CDKL4: variants seen among roughly 807,000 people sequenced by gnomAD.
CDKL4 encodes the protein cyclin-dependent kinase-like 4.
In CDKL4, 44 loss-of-function variants were observed where a neutral mutation model predicts 42.0. The observed-to-expected ratio is 1.05, with a 90% CI of 0.82 to 1.35. The LOEUF (loss-of-function observed/expected upper bound fraction) is 1.35. Ranked by LOEUF, CDKL4 falls within the 40% of genes most tolerant of loss-of-function variation. The pLI, the probability that CDKL4 is intolerant of heterozygous loss-of-function variation, is 0.00. For missense variants in CDKL4, 393 were observed against 369.9 expected (o/e 1.06, Z -0.51); for synonymous variants, 120 against 121.6 (o/e 0.99, Z 0.09).
intron 3 of CDKL4, among the ~76,000 whole-genome samples, chr2:39,216,246 T>C (rs1677907886): frequency 6.6e-6 from 1 of 152,114 alleles, no homozygotes; most frequent in Non-Finnish European, 1.5e-5. Flanking sequence ...AGGTCTGAGA[T>C]TAGATAAGGC....
the CDKL4 span, among the ~76,000 whole-genome samples, chr2:39,170,277 CAAAAAAA>C: frequency 2.3e-5 from 1 of 42,922 alleles, no homozygotes; most frequent in Non-Finnish European, 5.3e-5. Flanking sequence ...ACCCTGTCTC[CAAAAAAA>C]AAAAAAAAAA....
intron 9 of CDKL4, 21 bp from the exon 10 acceptor site, chr2:39,176,117 C>T (rs1675154403): frequency 2.2e-6 from 1 of 452,790 alleles, no homozygotes; most frequent in Admixed American, 2.7e-5. Context: ...AACAAGACAA[C>T]AATAAGAAAG....
At chr2:39,224,584 T>A (rs2148380830) in intron 3 of CDKL4, among the ~76,000 whole-genome samples, 1 of 148,822 alleles carries the variant, frequency 6.7e-6, no homozygotes, top group East Asian at 2.0e-4. Flanking sequence ...GCTCACTGCA[T>A]CCTCCGCCTC....
chr2:39,205,678 G>T (rs1486372495), intron 4 of CDKL4, among the ~76,000 whole-genome samples: 1 of 145,566 alleles, frequency 6.9e-6, no homozygotes. Flanking sequence ...GAGAATGGCG[G>T]GAACCCGGGA....
intron 9 of CDKL4, among the ~76,000 whole-genome samples, chr2:39,178,077 GTTA>G (rs1572934588): frequency 6.6e-6 from 1 of 152,116 alleles, no homozygotes; most frequent in East Asian, 1.9e-4. Context: ...TTTTTTTGTT[GTTA>G]TTTAAGTATA....
At chr2:39,169,480 C>T in the CDKL4 span, among the ~76,000 whole-genome samples, 1 of 152,104 alleles carries the variant, frequency 6.6e-6, no homozygotes, top group African/African-American at 2.4e-5. Context: ...ATCATAAACA[C>T]TACAATTTTA....
intron 7 of CDKL4, among the ~76,000 whole-genome samples, chr2:39,186,160 C>T (rs1342421552): frequency 6.6e-6 from 1 of 152,094 alleles, no homozygotes; most frequent in African/African-American, 2.4e-5. Flanking sequence ...CCTTTGTAAC[C>T]TTTAACCTTG....
At chr2:39,221,655 G>A (rs1678379813) in intron 3 of CDKL4, among the ~76,000 whole-genome samples, 1 of 152,234 alleles carries the variant, frequency 6.6e-6, no homozygotes, top group Non-Finnish European at 1.5e-5. Flanking sequence ...CACCAGCAGT[G>A]CTAAGCACAT....
At chr2:39,201,304 T>TAAAAA (rs139925872) in intron 5 of CDKL4, among the ~76,000 whole-genome samples, 2 of 145,342 alleles carry the variant, frequency 1.4e-5, no homozygotes, top group African/African-American at 5.1e-5. Context: ...ACCAAAAAAA[T>TAAAAA]AAAAAAAAAA....
intron 7 of CDKL4, among the ~76,000 whole-genome samples, chr2:39,186,386 C>T (rs1004538298): frequency 6.6e-6 from 1 of 152,212 alleles, no homozygotes; most frequent in Non-Finnish European, 1.5e-5. Context: ...TGCCCCATCC[C>T]TGCGTGGCTC....
chr2:39,181,981 AT>A (rs888125396), intron 8 of CDKL4, among the ~76,000 whole-genome samples: 17 of 151,860 alleles, frequency 1.1e-4, no homozygotes, highest in African/African-American at 4.1e-4. Flanking sequence ...ATTCACGTTG[AT>A]TTTATTTTAT....
intron 1 of CDKL4, among the ~76,000 whole-genome samples, chr2:39,241,244 G>C (rs982704937): frequency 3.3e-5 from 5 of 152,060 alleles, no homozygotes; most frequent in African/African-American, 1.2e-4. Flanking sequence ...AAATGGTACA[G>C]AAAAATTAAT....
intron 1 of CDKL4, among the ~76,000 whole-genome samples, chr2:39,234,385 G>T (rs1264582587): frequency 6.6e-6 from 1 of 151,926 alleles, no homozygotes; most frequent in Non-Finnish European, 1.5e-5. Flanking sequence ...AATTTGATTG[G>T]GGCATTAAAG....
chr2:39,244,831 A>G (rs1247839994), upstream of CDKL4, among the ~76,000 whole-genome samples: 1 of 152,000 alleles, frequency 6.6e-6, no homozygotes, highest in Non-Finnish European at 1.5e-5. Flanking sequence ...AGGTTTGTAA[A>G]CACACCAATC....
At chr2:39,173,852 A>T (rs910576826), downstream of CDKL4, among the ~76,000 whole-genome samples, 16 of 147,564 alleles carry the variant, frequency 1.1e-4, no homozygotes, top group Non-Finnish European at 2.2e-4. Context: ...GCATGGTGGC[A>T]TGTCCCTGTA....
chr2:39,216,242 G>A (rs757051033), intron 3 of CDKL4, among the ~76,000 whole-genome samples: 8 of 152,154 alleles, frequency 5.3e-5, no homozygotes, highest in Non-Finnish European at 1.2e-4. Context: ...ATACAGGTCT[G>A]AGATTAGATA....
intron 1 of CDKL4, among the ~76,000 whole-genome samples, chr2:39,231,068 C>T (rs1053897086): frequency 5.9e-5 from 9 of 152,192 alleles, no homozygotes; most frequent in East Asian, 5.8e-4. Flanking sequence ...AAAAATTACC[C>T]GGGTGTGGTG....
At chr2:39,199,565 T>A (rs1437240269) in intron 5 of CDKL4, among the ~76,000 whole-genome samples, 2 of 152,120 alleles carry the variant, frequency 1.3e-5, no homozygotes, top group Non-Finnish European at 2.9e-5. Context: ...ATGTCCTTGA[T>A]GAACATAGAT....
At chr2:39,216,826 TG>T (rs1438221432) in intron 3 of CDKL4, among the ~76,000 whole-genome samples, 3 of 152,062 alleles carry the variant, frequency 2.0e-5, no homozygotes, top group Non-Finnish European at 4.4e-5. Context: ...TAACAGGGAA[TG>T]GAGAATGAAG....
Sources: gnomAD v4.1 joint callset for allele counts (sites outside exome capture counted in the v4.1 genomes callset) on GRCh38, gnomAD v4.1.1 for gene constraint, MANE v1.5 for transcripts, NCBI Gene and HGNC (gene_info 2026-07-23, HGNC 2026-07-21) for gene names.